The following ADCY2 variants were observed in gnomAD, a reference collection of about 807,000 sequenced individuals.
ADCY2 encodes adenylate cyclase type 2.
ADCY2 carries 31 observed loss-of-function variants against 125.2 expected under a neutral mutation model. The ratio of observed to expected loss-of-function variants is 0.25; its 90% CI spans 0.19 to 0.33. ADCY2 has a LOEUF of 0.33. ADCY2 is among the 10% of genes least tolerant of loss of function. ADCY2 has a pLI of 1.00. For synonymous variants in ADCY2, 512 were observed against 548.4 expected (o/e 0.93, Z 0.93); for missense variants, 904 against 1,418.2 (o/e 0.64, Z 5.82).
At chr5:7,413,209 C>T (rs1298933563) in intron 1 of ADCY2, among the ~76,000 whole-genome samples, 1 of 152,186 alleles carries the variant, frequency 6.6e-6, no homozygotes, top group Non-Finnish European at 1.5e-5. Context: ...TGGAATGAAC[C>T]TTGTGCCCAC....
chr5:7,584,160 A>C (rs1736538790), intron 3 of ADCY2, among the ~76,000 whole-genome samples: 1 of 152,128 alleles, frequency 6.6e-6, no homozygotes, highest in South Asian at 2.1e-4. Flanking sequence ...AAAAATTATT[A>C]AATGGTACTA....
At chr5:7,704,878 CAAAA>C (rs71591741) in intron 7 of ADCY2, among the ~76,000 whole-genome samples, 2 of 91,198 alleles carry the variant, frequency 2.2e-5, no homozygotes, top group Non-Finnish European at 2.3e-5. Flanking sequence ...ACTCCATCTC[CAAAA>C]AAAAAAAAAA....
chr5:7,815,881 C>T (rs1418039925), intron 22 of ADCY2, among the ~76,000 whole-genome samples: 2 of 152,160 alleles, frequency 1.3e-5, no homozygotes, highest in Non-Finnish European at 2.9e-5. Flanking sequence ...TTAATTGCCT[C>T]GCTGTTCTGG....
chr5:7,587,034 C>T (rs1398911964), intron 3 of ADCY2, among the ~76,000 whole-genome samples: 4 of 152,182 alleles, frequency 2.6e-5, no homozygotes, highest in Non-Finnish European at 5.9e-5. Flanking sequence ...GTTTAATCCC[C>T]TAGTTTACAG....
chr5:7,450,750 T>C (rs1176579218), intron 2 of ADCY2, among the ~76,000 whole-genome samples: 1 of 152,218 alleles, frequency 6.6e-6, no homozygotes, highest in Non-Finnish European at 1.5e-5. Context: ...CTAATGCAGC[T>C]GGTAACTTTA....
intron 6 of ADCY2, among the ~76,000 whole-genome samples, chr5:7,697,422 A>G (rs528771047): frequency 2.0e-4 from 31 of 152,234 alleles, no homozygotes; most frequent in African/African-American, 7.5e-4. Flanking sequence ...TTGTCAGCAA[A>G]CAGATACCCC....
intron 22 of ADCY2, among the ~76,000 whole-genome samples, chr5:7,808,097 C>T (rs1264481083): frequency 1.3e-5 from 2 of 152,204 alleles, no homozygotes; most frequent in Admixed American, 6.5e-5. Context: ...TCTCACTCAT[C>T]AGAATGCCAA....
intron 3 of ADCY2, among the ~76,000 whole-genome samples, chr5:7,544,415 A>G (rs1267318545): frequency 6.6e-6 from 1 of 152,162 alleles, no homozygotes; most frequent in Non-Finnish European, 1.5e-5. Context: ...TCCAGCCTCC[A>G]AAGGCTGCTG....
chr5:7,805,951 A>T (rs1247413532), intron 22 of ADCY2, among the ~76,000 whole-genome samples: 1 of 152,166 alleles, frequency 6.6e-6, no homozygotes, highest in Non-Finnish European at 1.5e-5. Context: ...AGTATGCATT[A>T]CTTCAGTAAT....
chr5:7,420,316 C>T (rs1474839911), intron 2 of ADCY2, among the ~76,000 whole-genome samples: 2 of 152,038 alleles, frequency 1.3e-5, no homozygotes, highest in South Asian at 2.1e-4. Flanking sequence ...GAAGTTGCCA[C>T]GGCACGACTG....
intron 2 of ADCY2, among the ~76,000 whole-genome samples, chr5:7,441,012 G>A (rs924417719): frequency 4.6e-5 from 7 of 152,142 alleles, no homozygotes; most frequent in Non-Finnish European, 7.3e-5. Context: ...GAAATTGAAC[G>A]TGGTTTTGTA....
At chr5:7,733,574 C>T (rs1406687125) in intron 14 of ADCY2, among the ~76,000 whole-genome samples, 1 of 152,112 alleles carries the variant, frequency 6.6e-6, no homozygotes, top group Non-Finnish European at 1.5e-5. Context: ...GCTGGAGTTT[C>T]ACACAAAAGG....
At chr5:7,482,442 A>G (rs1742764491) in intron 2 of ADCY2, among the ~76,000 whole-genome samples, 1 of 152,150 alleles carries the variant, frequency 6.6e-6, no homozygotes, top group East Asian at 1.9e-4. Context: ...AGTTTAAAAT[A>G]GTCCTATTAG....
At chr5:7,651,377 C>T (rs1325241671) in intron 4 of ADCY2, among the ~76,000 whole-genome samples, 3 of 152,110 alleles carry the variant, frequency 2.0e-5, no homozygotes, top group African/African-American at 7.2e-5. Flanking sequence ...AACTGAGGAT[C>T]CAGGAAGCCT....
intron 2 of ADCY2, among the ~76,000 whole-genome samples, chr5:7,502,729 A>G (rs1241319439): frequency 2.6e-5 from 4 of 152,176 alleles, no homozygotes; most frequent in Non-Finnish European, 5.9e-5. Context: ...AGCTCCTTTG[A>G]AGCTTTTCAG....
At chr5:7,492,483 A>G (rs1484421466) in intron 2 of ADCY2, among the ~76,000 whole-genome samples, 1 of 152,218 alleles carries the variant, frequency 6.6e-6, no homozygotes, top group African/African-American at 2.4e-5. Flanking sequence ...GTAATAAGCC[A>G]TCAGAAGATG....
intron 11 of ADCY2, among the ~76,000 whole-genome samples, chr5:7,715,074 A>G (rs1741555790): frequency 6.6e-6 from 1 of 152,210 alleles, no homozygotes; most frequent in Non-Finnish European, 1.5e-5. Context: ...TCCTGGAGGC[A>G]AATGAAGACT....
chr5:7,408,105 C>G (rs923641497), intron 1 of ADCY2, among the ~76,000 whole-genome samples: 1 of 151,552 alleles, frequency 6.6e-6, no homozygotes, highest in Non-Finnish European at 1.5e-5. Flanking sequence ...CTCCTGACCT[C>G]GTGATCTGCT....
At chr5:7,650,256 A>T (rs1739043924) in intron 4 of ADCY2, among the ~76,000 whole-genome samples, 1 of 150,846 alleles carries the variant, frequency 6.6e-6, no homozygotes, top group African/African-American at 2.4e-5. Context: ...ACAAACGCAC[A>T]TTCTCCTCCT....
Sources: allele counts gnomAD v4.1 joint callset (sites outside exome capture counted in the v4.1 genomes callset), GRCh38; gene constraint gnomAD v4.1.1; transcripts MANE v1.5; gene names NCBI Gene and HGNC (gene_info 2026-07-23, HGNC 2026-07-21).